ICE1: variants seen among roughly 807,000 people sequenced by gnomAD.
ICE1 encodes interactor of little elongation complex ELL subunit 1.
A neutral mutation model predicts 192.7 loss-of-function variants in ICE1; 64 were observed. The ratio of observed to expected loss-of-function variants is 0.33; its 90% CI spans 0.27 to 0.41. The LOEUF (loss-of-function observed/expected upper bound fraction) is 0.41, where lower values mean the gene tolerates loss of function less well. Among genes scored for constraint, ICE1 ranks in the 10% least tolerant of loss-of-function variants. The pLI is 1.00. For synonymous variants in ICE1, 1,010 were observed against 984.5 expected (o/e 1.03, Z -0.49); for missense variants, 2,708 against 2,696.0 (o/e 1.00, Z -0.10).
At chr5:5,442,923 T>C (rs1738090926) in intron 5 of ICE1, among the ~76,000 whole-genome samples, 1 of 152,246 alleles carries the variant, frequency 6.6e-6, no homozygotes, top group Admixed American at 6.5e-5. Flanking sequence ...AAACCAATTA[T>C]GAAGGTTTAG....
intron 8 of ICE1, 52 bp from the exon 9 acceptor site, chr5:5,447,669 A>T: frequency 5.3e-6 from 8 of 1,503,218 alleles, no homozygotes; most frequent in Non-Finnish European, 7.3e-6. Context: ...TTGGTCTAGA[A>T]TGGCTGCACT....
intron 6 of ICE1, among the ~76,000 whole-genome samples, chr5:5,443,744 T>G (rs1322215125): frequency 6.6e-6 from 1 of 152,224 alleles, no homozygotes; most frequent in Non-Finnish European, 1.5e-5. Flanking sequence ...AGGTTCATAC[T>G]ATAGTCATGT....
chr5:5,460,819 A>G lies in ICE1; in HGVS notation c.1485A>G (p.Val495=), dbSNP rs769769802. The G allele has an allele frequency of 4.3e-6, 7 of 1,614,062 alleles. No individual in the cohort carries two copies. The South Asian group carries it at 6.6e-5, about 15-fold the overall frequency. ...QMEVREMDKS[V]QTEKTIHKLT... is the part of the protein sequence containing the mutation. Reference sequence around the variant, plus strand: ...AGGTTAGGGAGATGGATAAGTCAGTACAAACTGAGAAGACCATTCATAAAC... The same window carrying G: ...AGGTTAGGGAGATGGATAAGTCAGTGCAAACTGAGAAGACCATTCATAAAC... Residue 495 remains valine, a synonymous_variant, in exon 13 of 19, where the codon GTA becomes GTG. Transcript: ENST00000296564.
At chr5:5,427,326 A>G (rs1279008680) in intron 1 of ICE1, among the ~76,000 whole-genome samples, 1 of 152,028 alleles carries the variant, frequency 6.6e-6, no homozygotes, top group African/African-American at 2.4e-5. Flanking sequence ...GTGGGTCCTC[A>G]CTCTAGTCAT....
chr5:5,422,906 C>T lies in ICE1; in HGVS notation c.-10C>T. 2 of 1,385,072 alleles carry T rather than the reference C, an allele frequency of 1.4e-6. No individual in the cohort carries two copies. The highest frequency in any genetic ancestry group is 1.9e-6 in the Non-Finnish European group (2 of 1,068,630). The allele number at this position is 1,385,072 out of a possible 1,614,324, so 85.8% of individuals were successfully genotyped here. On this transcript the variant is annotated 5_prime_UTR_variant, in exon 1 of 19. Transcript: ENST00000296564. ...AGGCGTGCGTGCCCACCGGGCCCGG[C>T]GGCGGCACCATGATGCCGGGCGAGA...
intron 1 of ICE1, among the ~76,000 whole-genome samples, chr5:5,431,816 A>G (rs1007432052): frequency 4.6e-5 from 7 of 151,620 alleles, no homozygotes; most frequent in African/African-American, 1.7e-4. Context: ...TGCTTCTGGG[A>G]ACTTTTCTTG....
intron 1 of ICE1, among the ~76,000 whole-genome samples, chr5:5,428,911 T>C (rs1307631822): frequency 6.6e-6 from 1 of 152,224 alleles, no homozygotes; most frequent in Non-Finnish European, 1.5e-5. Context: ...CATTTTTGAT[T>C]GTCAGTGTTG....
rs1483403906 is a variant in ICE1 at position 5,465,130 on chromosome 5, C to T, written c.5796C>T (p.Val1932=). 3 of 1,611,132 alleles carry T rather than the reference C, an allele frequency of 1.9e-6. No individual in the cohort carries two copies. Among genetic ancestry groups the T allele is most frequent in the Non-Finnish European group, 2.5e-6 (3 of 1,178,602 alleles). The change falls in exon 13 of 19, where the codon GTC becomes GTT. Residue 1932 remains valine (V), a synonymous_variant. Coordinates refer to ENST00000296564, the MANE Select transcript of ICE1 (RefSeq NM_015325.3). ...AGTTTTCTTTTGATCTGTTACCTGT[C>T]ATTCGTAGTCATGTGTATGTGGGAA... ...IAEFSFDLLP[V]IRSHVYVGNI...
intron 1 of ICE1, among the ~76,000 whole-genome samples, chr5:5,434,377 G>GA (rs1324103878): frequency 2.0e-5 from 3 of 152,180 alleles, no homozygotes; most frequent in Admixed American, 6.5e-5. Context: ...AATTATCAGT[G>GA]AATGTTACAA....
At position 5,466,320 on chromosome 5, in the gene ICE1, T is replaced by C; in HGVS notation, c.5893-14T>C. On this transcript the variant is annotated splice_polypyrimidine_tract_variant and intron_variant, in intron 13 of 18. Transcript: ENST00000296564. ...TGAGTGTACATTGCCTTTTTAATTTTTTTTTCAATCCAGCATTTAGCAGAG... is the reference window on the plus strand; with the variant it reads ...TGAGTGTACATTGCCTTTTTAATTTCTTTTTCAATCCAGCATTTAGCAGAG... 8 of 1,582,192 alleles carry C rather than the reference T, an allele frequency of 5.1e-6. No homozygotes were observed. Among genetic ancestry groups the C allele is most frequent in the Non-Finnish European group, 6.9e-6 (8 of 1,167,464 alleles).
At chr5:5,440,325 C>T (rs904689782) in intron 4 of ICE1, among the ~76,000 whole-genome samples, 1 of 152,068 alleles carries the variant, frequency 6.6e-6, no homozygotes, top group African/African-American at 2.4e-5. Context: ...GATTCATCAC[C>T]CAGATGAAGG....
rs377059698 is a variant in ICE1 at position 5,468,326 on chromosome 5, G to A, written c.6062-502G>A. 1.9e-4 allele frequency among the ~76,000 whole-genome samples: 29 copies of A among 152,264 alleles called. No homozygotes were observed. In the South Asian group the frequency reaches 5.0e-3, roughly 26 times the overall value. On this transcript the variant is annotated intron_variant, in intron 14 of 18. Coordinates refer to ENST00000296564, the MANE Select transcript of ICE1 (RefSeq NM_015325.3). ...TATTGACTGTTGTGGTGGTGGTTTC[G>A]TGGATTTAATCATTTATCCAAATTC...
At chr5:5,448,009 T>C (rs540763988) in intron 10 of ICE1, 112 bp downstream of exon 10, 20 of 736,062 alleles carry the variant, frequency 2.7e-5, no homozygotes, top group Non-Finnish European at 4.0e-5. Flanking sequence ...AGTAGATGTT[T>C]CGTTTTAGTA....
rs146295328 is a variant in ICE1 at position 5,425,421 on chromosome 5, G to A, written c.84+2422G>A. On this transcript the variant is annotated intron_variant, in intron 1 of 18. Coordinates refer to ENST00000296564, the MANE Select transcript of ICE1 (RefSeq NM_015325.3). ...AAAGCAGCTGTAGACAATTCACAAA[G>A]AAATGAGTATGCCTGTGTTCCATTG... Among the ~76,000 whole-genome samples, 721 of 152,330 alleles carry A rather than the reference G, an allele frequency of 4.7e-3. 6 individuals carry two copies. The highest frequency in any genetic ancestry group is 0.016 in the African/African-American group (684 of 41,582).
At chr5:5,432,870 T>C (rs1232313275) in intron 1 of ICE1, among the ~76,000 whole-genome samples, 3 of 152,220 alleles carry the variant, frequency 2.0e-5, no homozygotes, top group Non-Finnish European at 4.4e-5. Context: ...TCAGGTTGCT[T>C]TTGCTTGTTT....
rs1421327949 is a variant in ICE1, at chr5:5,444,333, G to A, written c.424+7G>A. 1.3e-6 allele frequency: 2 copies of A among 1,562,406 alleles called. No individual in the cohort carries two copies. Among genetic ancestry groups the A allele is most frequent in the East Asian group, 4.7e-5 (2 of 42,608 alleles). On this transcript the variant is annotated splice_region_variant and intron_variant, in intron 7 of 18. Coordinates refer to ENST00000296564, the MANE Select transcript of ICE1 (RefSeq NM_015325.3). Reference sequence around the variant, plus strand: ...AAGGTGAAGAAGCTGCAAGGTAAGTGGCACTATTGTTACCTGAAGTTTTCG... The same window carrying A: ...AAGGTGAAGAAGCTGCAAGGTAAGTAGCACTATTGTTACCTGAAGTTTTCG...
At position 5,453,388 on chromosome 5, in the gene ICE1, T is replaced by C. The variant is rs186068758; in HGVS notation, c.605-1164T>C. 8.3e-4 allele frequency among the ~76,000 whole-genome samples: 126 copies of C among 152,316 alleles called. 1 individual carries two copies. Among genetic ancestry groups the C allele is most frequent in the African/African-American group, 2.7e-3 (114 of 41,562 alleles). On this transcript the variant is annotated intron_variant, in intron 10 of 18. Coordinates refer to ENST00000296564, the MANE Select transcript of ICE1 (RefSeq NM_015325.3). ...CCTCCACAGTTGTCCTGCCCCTTTC[T>C]GTGGACTTCATTTTTTGAAGTGATG...
intron 15 of ICE1, among the ~76,000 whole-genome samples, chr5:5,469,410 A>G (rs1039765734): frequency 3.3e-5 from 5 of 152,124 alleles, no homozygotes; most frequent in African/African-American, 4.8e-5. Context: ...ATTTGTTTTT[A>G]TGCTGACTAG....
intron 17 of ICE1, among the ~76,000 whole-genome samples, chr5:5,485,825 G>A (rs1206238863): frequency 2.0e-5 from 3 of 152,210 alleles, no homozygotes; most frequent in African/African-American, 7.2e-5. Flanking sequence ...CAGGATAGCT[G>A]ATGAAAATTG....
Sources: allele counts gnomAD v4.1 joint callset (sites outside exome capture counted in the v4.1 genomes callset), GRCh38; gene constraint gnomAD v4.1.1; transcripts MANE v1.5; gene names NCBI Gene and HGNC (gene_info 2026-07-23, HGNC 2026-07-21).